GPR176: variants seen among roughly 807,000 people sequenced by gnomAD.
The protein encoded by GPR176 is G-protein coupled receptor 176.
A neutral mutation model predicts 35.4 loss-of-function variants in GPR176; 26 were observed. The ratio of observed to expected loss-of-function variants is 0.74; its 90% CI spans 0.54 to 1.02. GPR176 has a LOEUF of 1.02. GPR176 is among the 50% of genes least tolerant of loss of function. GPR176 has a pLI of 0.00. For missense variants in GPR176, 597 were observed against 665.3 expected (o/e 0.90, Z 1.13); for synonymous variants, 278 against 271.3 (o/e 1.02, Z -0.24).
At chr15:39,822,461 G>A (rs1900338348) in intron 1 of GPR176, among the ~76,000 whole-genome samples, 1 of 152,124 alleles carries the variant, frequency 6.6e-6, no homozygotes, top group South Asian at 2.1e-4. Flanking sequence ...ATATCACAAA[G>A]CATTATTATT....
intron 1 of GPR176, among the ~76,000 whole-genome samples, chr15:39,870,454 T>C (rs561619421): frequency 6.6e-6 from 1 of 152,244 alleles, no homozygotes; most frequent in East Asian, 1.9e-4. Context: ...GCAAATCTCT[T>C]CCTATTAGAA....
At chr15:39,853,885 A>T (rs1037904269) in intron 1 of GPR176, among the ~76,000 whole-genome samples, 1 of 152,170 alleles carries the variant, frequency 6.6e-6, no homozygotes, top group Non-Finnish European at 1.5e-5. Context: ...TATAAAATGC[A>T]TAGCTCAGAG....
intron 1 of GPR176, among the ~76,000 whole-genome samples, chr15:39,859,840 G>C (rs988292968): frequency 1.3e-5 from 2 of 152,128 alleles, no homozygotes; most frequent in African/African-American, 4.8e-5. Flanking sequence ...TTTAATGGGT[G>C]TAGAGTTTCA....
intron 1 of GPR176, among the ~76,000 whole-genome samples, chr15:39,875,705 A>C (rs1203642037): frequency 2.6e-5 from 4 of 152,158 alleles, no homozygotes; most frequent in Admixed American, 6.5e-5. Context: ...CTCCTTACCT[A>C]ATGGGTATGT....
chr15:39,867,748 AGAAAAGAG>A (rs1330651918), intron 1 of GPR176, among the ~76,000 whole-genome samples: 4 of 152,128 alleles, frequency 2.6e-5, no homozygotes, highest in African/African-American at 9.7e-5. Flanking sequence ...CTGACAGGAG[AGAAAAGAG>A]GAAAAGAGTG....
chr15:39,810,507 A>T (rs141742503), intron 1 of GPR176, among the ~76,000 whole-genome samples: 1,576 of 152,368 alleles, frequency 0.01, 19 homozygotes, highest in Middle Eastern at 0.017. Flanking sequence ...AGAGACTAGT[A>T]ACTAAAATGA....
At chr15:39,856,844 T>A (rs923869377) in intron 1 of GPR176, among the ~76,000 whole-genome samples, 1 of 152,230 alleles carries the variant, frequency 6.6e-6, no homozygotes, top group Non-Finnish European at 1.5e-5. Flanking sequence ...TTGTTCATTG[T>A]TAGATCTGCA....
intron 1 of GPR176, among the ~76,000 whole-genome samples, chr15:39,838,431 T>C (rs1359119734): frequency 6.6e-6 from 1 of 152,166 alleles, no homozygotes; most frequent in Non-Finnish European, 1.5e-5. Flanking sequence ...TGATTCTTAA[T>C]TAGTCTAAAG....
chr15:39,822,068 C>A (rs915286797), intron 1 of GPR176, among the ~76,000 whole-genome samples: 27 of 152,320 alleles, frequency 1.8e-4, no homozygotes, highest in Non-Finnish European at 3.7e-4. Flanking sequence ...TATGAAGAGG[C>A]TCATGTGGTA....
chr15:39,839,064 G>C (rs1901583033), intron 1 of GPR176, among the ~76,000 whole-genome samples: 1 of 152,092 alleles, frequency 6.6e-6, no homozygotes, highest in African/African-American at 2.4e-5. Flanking sequence ...TACTGCCCAA[G>C]GTAATTTATA....
chr15:39,839,459 C>T (rs1359931058), intron 1 of GPR176, among the ~76,000 whole-genome samples: 3 of 152,178 alleles, frequency 2.0e-5, no homozygotes, highest in Non-Finnish European at 4.4e-5. Context: ...CTTCCTCACA[C>T]CTTATACAAA....
intron 1 of GPR176, among the ~76,000 whole-genome samples, chr15:39,918,664 AACAC>A (rs370386441): frequency 6.7e-6 from 1 of 150,288 alleles, no homozygotes; most frequent in Non-Finnish European, 1.5e-5. Context: ...CACATCTTAA[AACAC>A]ACACACACAC....
intron 1 of GPR176, among the ~76,000 whole-genome samples, chr15:39,876,927 T>C (rs1297230901): frequency 2.6e-5 from 4 of 152,134 alleles, no homozygotes; most frequent in Non-Finnish European, 5.9e-5. Context: ...ATCTACATTA[T>C]CTTCTGTTCC....
rs1030381644 is a variant in GPR176, at chr15:39,820,551, AG to A, written c.173-13294del. Among the ~76,000 whole-genome samples the A allele has an allele frequency of 1.1e-3, 160 of 152,344 alleles. 1 individual carries two copies. The highest frequency in any genetic ancestry group is 3.6e-3 in the African/African-American group (151 of 41,586). ...AACTAAGACACTCTGGCCTAGACCC[AG>A]AATATCTATGATTCTAGACCCAGAA... On this transcript the variant is annotated intron_variant, in intron 1 of 2. Coordinates refer to ENST00000561100, the MANE Select transcript of GPR176 (RefSeq NM_007223.3).
At chr15:39,853,766 C>T (rs569180090) in intron 1 of GPR176, among the ~76,000 whole-genome samples, 2 of 152,136 alleles carry the variant, frequency 1.3e-5, no homozygotes, top group South Asian at 4.2e-4. Context: ...TATAAACATC[C>T]TCACAAAGCA....
At chr15:39,857,536 G>A (rs1380937282) in intron 1 of GPR176, among the ~76,000 whole-genome samples, 4 of 152,008 alleles carry the variant, frequency 2.6e-5, no homozygotes, top group Non-Finnish European at 5.9e-5. Flanking sequence ...GGGGTGTGGT[G>A]GTGCATGTCT....
intron 1 of GPR176, among the ~76,000 whole-genome samples, chr15:39,870,846 C>T (rs2032017053): frequency 6.6e-6 from 1 of 152,088 alleles, no homozygotes; most frequent in Admixed American, 6.5e-5. Context: ...CTTAGAGTCC[C>T]AGGTAACAGC....
At chr15:39,857,439 G>A (rs750977146) in intron 1 of GPR176, among the ~76,000 whole-genome samples, 1 of 152,208 alleles carries the variant, frequency 6.6e-6, no homozygotes, top group Non-Finnish European at 1.5e-5. Context: ...CACTTTGGGA[G>A]GTTGAGGACT....
chr15:39,847,343 C>T (rs910289789), intron 1 of GPR176, among the ~76,000 whole-genome samples: 1 of 152,066 alleles, frequency 6.6e-6, no homozygotes, highest in African/African-American at 2.4e-5. Context: ...CAGAGGGGAT[C>T]AAGAAATGTG....
Sources: gnomAD v4.1 joint callset for allele counts (sites outside exome capture counted in the v4.1 genomes callset) on GRCh38, gnomAD v4.1.1 for gene constraint, MANE v1.5 for transcripts, NCBI Gene and HGNC (gene_info 2026-07-23, HGNC 2026-07-21) for gene names.